PNPLA6: variants seen among roughly 807,000 people sequenced by gnomAD.
PNPLA6 encodes patatin like domain 6, lysophospholipase, also known as patatin-like phospholipase domain-containing protein 6.
A neutral mutation model predicts 153.7 loss-of-function variants in PNPLA6; 105 were observed. The ratio of observed to expected loss-of-function variants is 0.68; its 90% CI spans 0.58 to 0.80. The LOEUF is 0.80. Among genes scored for constraint, PNPLA6 ranks in the 30% least tolerant of loss-of-function variants. The pLI, the probability that PNPLA6 is intolerant of heterozygous loss-of-function variation, is 0.00. For synonymous variants in PNPLA6, 825 were observed against 822.2 expected, an observed-to-expected ratio of 1.00 and a Z score of -0.06; for missense variants, 1,423 against 1,919.3, an observed-to-expected ratio of 0.74 and a Z score of 4.83.
intron 3 of PNPLA6, 132 bp downstream of exon 3, chr19:7,536,678 A>G: frequency 1.4e-6 from 1 of 727,934 alleles, no homozygotes; most frequent in South Asian, 1.5e-5. Context: ...TGTAATTCCC[A>G]GCACTTTGGG....
In PNPLA6 at chr19:7,555,847, C is replaced by G; in HGVS notation, c.3093+84C>G. 1.3e-5 allele frequency: 19 copies of G among 1,437,736 alleles called. No homozygotes were observed. Among genetic ancestry groups the G allele is most frequent in the Non-Finnish European group, 1.8e-5 (19 of 1,032,980 alleles). 89.1% of individuals were successfully genotyped at this position (1,437,736 alleles called of 1,614,324 possible). A position where few individuals can be genotyped will look rare whatever the true frequency, so the allele number is the denominator to read the frequency against. ...AACCTAACCTGATCCCATGGGGGAGCCTCCGGGGTCAGGGTGACCCTTCCT... is the reference window on the plus strand; with the variant it reads ...AACCTAACCTGATCCCATGGGGGAGGCTCCGGGGTCAGGGTGACCCTTCCT... On this transcript the variant is annotated intron_variant, in intron 24 of 31. Transcript: ENST00000600737. This position sits in a 1 kb window ranked among gnomAD's most constrained non-coding sequence, Gnocchi z 6.3.
In PNPLA6 at chr19:7,541,665, C is replaced by G; in HGVS notation, c.1149C>G (p.Ala383=). Residue 383 remains alanine, a synonymous_variant, in exon 9 of 32, where the codon GCC becomes GCG. Transcript: ENST00000600737. The surrounding 1 kb of genome is among the most constrained non-coding windows in gnomAD (Gnocchi z 5.2). ...GGCGGCCACCCGATCCCACCGGGGC[C>G]CCGCTGCCTGGACCTACAGGTACCC... The part of the protein sequence containing the change: ...TPGRPPDPTG[A]PLPGPTGDPV... 1 of 1,574,840 alleles carries G rather than the reference C, an allele frequency of 6.3e-7. No homozygotes were observed. Among genetic ancestry groups the G allele is most frequent in the Non-Finnish European group, 8.6e-7 (1 of 1,161,898 alleles).
chr19:7,556,890 C>CA, intron 26 of PNPLA6, 166 bp downstream of exon 26: 1 of 703,494 alleles, frequency 1.4e-6, no homozygotes, highest in East Asian at 2.7e-5. Context: ...CCGGAGACCC[C>CA]AGGTACGTCC....
intron 16 of PNPLA6, 110 bp downstream of exon 16, chr19:7,550,750 C>T (rs1337431314): frequency 9.3e-6 from 13 of 1,397,624 alleles, no homozygotes; most frequent in Non-Finnish European, 1.3e-5. Flanking sequence ...AGCTCCCGAC[C>T]TCTGAGGTCA....
At chr19:7,554,449 G>T in intron 20 of PNPLA6, 106 bp from the exon 21 acceptor site, 1 of 1,372,484 alleles carries the variant, frequency 7.3e-7, no homozygotes, top group Non-Finnish European at 1.0e-6. Context: ...TTCCGTGGTG[G>T]GGGTTTGGGT....
Position 7,560,627 on chromosome 19 carries a change from C to T in PNPLA6, c.3700-21C>T, listed in dbSNP as rs756966343. 3.3e-6 allele frequency: 5 copies of T among 1,532,374 alleles called. No individual in the cohort carries two copies. The South Asian group carries it at 5.6e-5, about 17-fold the overall frequency. 94.9% of individuals were successfully genotyped at this position (1,532,374 alleles called of 1,614,324 possible). On this transcript the variant is annotated intron_variant, in intron 28 of 31. Coordinates refer to ENST00000600737, the MANE Select transcript of PNPLA6 (RefSeq NM_001166114.2). Reference sequence around the variant, plus strand: ...GCAAAGCAGGGTTGCAGACATGGACCCAGCCCCTCATTTCCCACAGGATGT... The same window carrying T: ...GCAAAGCAGGGTTGCAGACATGGACTCAGCCCCTCATTTCCCACAGGATGT...
Position 7,555,184 on chromosome 19 carries a change from C to A in PNPLA6, c.2818-65C>A. On this transcript the variant is annotated intron_variant, in intron 22 of 31. Transcript: ENST00000600737. This position sits in a 1 kb window ranked among gnomAD's most constrained non-coding sequence, Gnocchi z 6.3. ...GAGGACAGGCTCGAAGGTCAGGGTACCCCTGGGGGATCCGCCGGACCCCGC... is the reference window on the plus strand; with the variant it reads ...GAGGACAGGCTCGAAGGTCAGGGTAACCCTGGGGGATCCGCCGGACCCCGC... 2 of 1,524,246 alleles carry A rather than the reference C, an allele frequency of 1.3e-6. No homozygotes were observed. Among genetic ancestry groups the A allele is most frequent in the Non-Finnish European group, 1.8e-6 (2 of 1,122,990 alleles). The allele number at this position is 1,524,246 out of a possible 1,614,324, so 94.4% of individuals were successfully genotyped here. A position where few individuals can be genotyped will look rare whatever the true frequency, so the allele number is the denominator to read the frequency against.
intron 16 of PNPLA6, 65 bp downstream of exon 16, chr19:7,550,705 A>C: frequency 6.3e-7 from 1 of 1,585,270 alleles, no homozygotes; most frequent in South Asian, 1.1e-5. Flanking sequence ...CAACTCACAC[A>C]CATCATCCCG....
rs766807151 is a variant in PNPLA6, at chr19:7,541,468, A to C, written c.1005+34A>C. On this transcript the variant is annotated intron_variant, in intron 8 of 31. Transcript: ENST00000600737. This position sits in a 1 kb window ranked among gnomAD's most constrained non-coding sequence, Gnocchi z 5.2. ...GTGGCGGGGAGCGAGCACAGGGGGGATGGGGGCGAGGTCTCCCTCCCAGGA... is the reference window on the plus strand; with the variant it reads ...GTGGCGGGGAGCGAGCACAGGGGGGCTGGGGGCGAGGTCTCCCTCCCAGGA... The C allele has an allele frequency of 6.2e-7, 1 of 1,611,896 alleles. No homozygotes were observed.
Position 7,555,848 on chromosome 19 carries a change from C to A in PNPLA6, c.3093+85C>A. ...ACCTAACCTGATCCCATGGGGGAGC[C>A]TCCGGGGTCAGGGTGACCCTTCCTG... is the stretch of plus-strand genomic sequence containing the variant. On this transcript the variant is annotated intron_variant, in intron 24 of 31. Coordinates refer to ENST00000600737, the MANE Select transcript of PNPLA6 (RefSeq NM_001166114.2). This position sits in a 1 kb window ranked among gnomAD's most constrained non-coding sequence, Gnocchi z 6.3. 1 of 1,443,684 alleles carries A rather than the reference C, an allele frequency of 6.9e-7. No homozygotes were observed. The highest frequency in any genetic ancestry group is 9.6e-7 in the Non-Finnish European group (1 of 1,038,400). 89.4% of individuals were successfully genotyped at this position (1,443,684 alleles called of 1,614,324 possible). A position where few individuals can be genotyped will look rare whatever the true frequency, so the allele number is the denominator to read the frequency against.
chr19:7,548,766 G>A (rs2023500514), intron 13 of PNPLA6, among the ~76,000 whole-genome samples: 2 of 149,090 alleles, frequency 1.3e-5, no homozygotes, highest in South Asian at 4.2e-4. Flanking sequence ...GAGAGATGCT[G>A]CTCATCTATA....
chr19:7,560,563 T>G, intron 28 of PNPLA6, 85 bp from the exon 29 acceptor site: 1 of 949,354 alleles, frequency 1.1e-6, no homozygotes. Context: ...GAATCAGGCT[T>G]TTGAGGGGCC....
intron 3 of PNPLA6, among the ~76,000 whole-genome samples, chr19:7,538,577 G>T (rs1172065213): frequency 1.3e-5 from 2 of 152,184 alleles, no homozygotes; most frequent in African/African-American, 2.4e-5. Context: ...TGCCAGCGGA[G>T]GGTCTTTCTC....
chr19:7,543,872 G>T (rs552521313), intron 13 of PNPLA6, among the ~76,000 whole-genome samples: 1 of 149,106 alleles, frequency 6.7e-6, no homozygotes, highest in South Asian at 2.1e-4. Flanking sequence ...GTGCTGCAGT[G>T]GCGTGACGGT....
intron 27 of PNPLA6, among the ~76,000 whole-genome samples, chr19:7,558,094 C>T (rs530742609): frequency 4.6e-5 from 7 of 152,340 alleles, no homozygotes; most frequent in East Asian, 3.9e-4. Flanking sequence ...CCCTCAAACA[C>T]GCAGGGATGT....
At chr19:7,547,822 T>TAA (rs1439238561) in intron 13 of PNPLA6, among the ~76,000 whole-genome samples, 14 of 41,298 alleles carry the variant, frequency 3.4e-4, no homozygotes, top group African/African-American at 7.0e-4. Flanking sequence ...TTTTTTTTTT[T>TAA]TTTTTTTTTT....
In PNPLA6 at chr19:7,555,883, A is replaced by G. The variant is rs8108791; in HGVS notation, c.3093+120A>G. On this transcript the variant is annotated intron_variant, in intron 24 of 31. Transcript: ENST00000600737. This position sits in a 1 kb window ranked among gnomAD's most constrained non-coding sequence, Gnocchi z 6.3. ...AGGGTGACCCTTCCTGATTAAATCTATGATCCCCAGCTGTCCGGACTTTTA... is the reference window on the plus strand; with the variant it reads ...AGGGTGACCCTTCCTGATTAAATCTGTGATCCCCAGCTGTCCGGACTTTTA... 16,479 of 1,074,038 alleles carry G rather than the reference A, an allele frequency of 0.015. 1,567 individuals carry two copies. In the African/African-American group the frequency reaches 0.22, roughly 14 times the overall value. 66.5% of individuals were successfully genotyped at this position (1,074,038 alleles called of 1,614,324 possible).
chr19:7,549,487 T>TCTC (rs2023547495), intron 13 of PNPLA6, among the ~76,000 whole-genome samples: 1 of 52,266 alleles, frequency 1.9e-5, no homozygotes, highest in African/African-American at 8.2e-5. Context: ...CGCCTGGCCT[T>TCTC]CTTCTTCTTT....
In PNPLA6 at chr19:7,543,079, G is replaced by C; in HGVS notation, c.1603G>C (p.Asp535His). 1 of 1,613,796 alleles carries C rather than the reference G, an allele frequency of 6.2e-7. No individual in the cohort carries two copies. The highest frequency in any genetic ancestry group is 1.1e-5 in the South Asian group (1 of 91,080). The change falls in exon 13 of 32, where the codon GAC (aspartate) becomes CAC (histidine). Residue 535 changes from aspartate to histidine, a missense_variant. Around this residue, in one of 10 missense-constraint regions of PNPLA6, gnomAD observed 119 missense variants for 163.7 expected, o/e 0.73. Coordinates refer to ENST00000600737, the MANE Select transcript of PNPLA6 (RefSeq NM_001166114.2). ...TGGCACCATCATTGCCCGCCAGGGAGACCAGGTGAGGCTGACCCCTGACCT... is the reference window on the plus strand; with the variant it reads ...TGGCACCATCATTGCCCGCCAGGGACACCAGGTGAGGCTGACCCCTGACCT... ...KAGTIIARQG[D>H]QDVSLHFVLW...
Sources: gnomAD v4.1 joint callset for allele counts (sites outside exome capture counted in the v4.1 genomes callset) on GRCh38, gnomAD v4.1.1 for gene constraint, gnomAD v4.1.1 regional missense constraint, Gnocchi (gnomAD v3.1) non-coding constraint, MANE v1.5 for transcripts, NCBI Gene and HGNC (gene_info 2026-07-23, HGNC 2026-07-21) for gene names.